Variants in TTC28 observed in about 807,000 individuals in gnomAD.
The protein encoded by TTC28 is tetratricopeptide repeat domain 28.
In TTC28, 61 loss-of-function variants were observed where a neutral mutation model predicts 198.0. The observed-to-expected ratio is 0.31, with a 90% CI of 0.25 to 0.38. The LOEUF (loss-of-function observed/expected upper bound fraction) is 0.38, where lower values mean the gene tolerates loss of function less well. TTC28 is among the 10% of genes least tolerant of loss of function. The pLI is 1.00. For missense variants in TTC28, 2,678 were observed against 3,164.0 expected, an observed-to-expected ratio of 0.85 and a Z score of 3.69; for synonymous variants, 1,171 against 1,297.8, an observed-to-expected ratio of 0.90 and a Z score of 2.10.
chr22:28,583,129 C>T (rs1300772918), intron 2 of TTC28, among the ~76,000 whole-genome samples: 2 of 152,100 alleles, frequency 1.3e-5, no homozygotes, highest in Admixed American at 6.6e-5. Context: ...TACCCACCCC[C>T]GCAATGCAAC....
chr22:28,253,096 G>A (rs913167099), intron 5 of TTC28, among the ~76,000 whole-genome samples: 7 of 152,092 alleles, frequency 4.6e-5, no homozygotes, highest in Non-Finnish European at 7.4e-5. Context: ...TCTTGAGGGG[G>A]AGTATATATT....
chr22:27,982,494 G>C lies in TTC28; in HGVS notation c.7173C>G (p.Val2391=). ...APGTMTSKRD[V]LSLLNLSPRH... ...GTGGTGACAAATTCAACAGACTGAG[G>C]ACATCCCTTTTGGAAGTCATCGTGC... The change falls in exon 23 of 23, where the codon GTC becomes GTG. Residue 2391 remains valine, a synonymous_variant. Coordinates refer to ENST00000397906, the MANE Select transcript of TTC28 (RefSeq NM_001145418.2). The surrounding 1 kb of genome is among the most constrained non-coding windows in gnomAD (Gnocchi z 5.2). 2.6e-6 allele frequency: 4 copies of C among 1,551,658 alleles called. No homozygotes were observed. Among genetic ancestry groups the C allele is most frequent in the Non-Finnish European group, 3.5e-6 (4 of 1,147,004 alleles).
chr22:28,604,852 T>C (rs2050705847), intron 2 of TTC28, among the ~76,000 whole-genome samples: 1 of 152,196 alleles, frequency 6.6e-6, no homozygotes, highest in African/African-American at 2.4e-5. Context: ...ATTTTATATA[T>C]CACCCACAAA....
At chr22:28,296,792 A>T in intron 4 of TTC28, among the ~76,000 whole-genome samples, 1 of 152,242 alleles carries the variant, frequency 6.6e-6, no homozygotes. Flanking sequence ...AATAATCACC[A>T]TAATGACCAT....
chr22:28,227,705 A>G (rs1243791709), intron 5 of TTC28, among the ~76,000 whole-genome samples: 1 of 143,424 alleles, frequency 7.0e-6, no homozygotes, highest in Non-Finnish European at 1.5e-5. Flanking sequence ...TACAGATTTG[A>G]AAAAAAAAAA....
At chr22:28,014,179 A>G in intron 14 of TTC28, 69 bp downstream of exon 14, 1 of 1,489,292 alleles carries the variant, frequency 6.7e-7, no homozygotes, top group South Asian at 1.3e-5. Flanking sequence ...AGAGGGATAC[A>G]TGTGGGCGCT....
chr22:28,161,645 C>T lies in TTC28; in HGVS notation c.1441+1447G>A, dbSNP rs999850437. ...CTCCAGCCAAGGTAATAGATGGAGA[C>T]CCTGTCTCAAGAAAGAAAGAAAGAA... On this transcript the variant is annotated intron_variant, in intron 6 of 22. Transcript: ENST00000397906. Among the ~76,000 whole-genome samples the T allele has an allele frequency of 3.3e-5, 5 of 149,758 alleles. No individual in the cohort carries two copies. In the South Asian group the frequency reaches 1.1e-3, roughly 32 times the overall value.
intron 5 of TTC28, among the ~76,000 whole-genome samples, chr22:28,172,018 C>T (rs1922731301): frequency 6.6e-6 from 1 of 152,154 alleles, no homozygotes. Context: ...AGAGACTCAG[C>T]CTCTTTCCTC....
intron 2 of TTC28, among the ~76,000 whole-genome samples, chr22:28,507,194 C>A (rs1049021418): frequency 2.0e-5 from 3 of 152,114 alleles, no homozygotes; most frequent in Non-Finnish European, 4.4e-5. Flanking sequence ...GCCAGAATAG[C>A]CAGTTTAGAG....
At chr22:28,612,142 C>A (rs1316243257) in intron 2 of TTC28, among the ~76,000 whole-genome samples, 1 of 151,924 alleles carries the variant, frequency 6.6e-6, no homozygotes, top group African/African-American at 2.4e-5. Context: ...ATTTACCAAG[C>A]AAATGGAGAG....
chr22:28,568,798 C>T (rs577400142), intron 2 of TTC28, among the ~76,000 whole-genome samples: 2 of 152,282 alleles, frequency 1.3e-5, no homozygotes, highest in South Asian at 2.1e-4. Flanking sequence ...AGATTTAATG[C>T]TATTCCTATC....
Position 27,998,588 on chromosome 22 carries a change from T to G in TTC28, c.5071A>C (p.Lys1691Gln). ...AAGGCCTTGCTGCTCTGCACCACCT[T>G]CATGGCCTCCCCCAGGGCGGCGCTG... Reference protein sequence around the residue: ...KASAALGEAMKVVQSSKAFSH... With the variant: ...KASAALGEAMQVVQSSKAFSH... Residue 1691 changes from lysine to glutamine, a missense_variant, in exon 16 of 23, where the codon AAG becomes CAG. By Grantham distance (53) the Lys-to-Gln change is moderately conservative. Coordinates refer to ENST00000397906, the MANE Select transcript of TTC28 (RefSeq NM_001145418.2). 2 of 1,550,776 alleles carry G rather than the reference T, an allele frequency of 1.3e-6. 1 individual carries two copies. The highest frequency in any genetic ancestry group is 2.4e-5 in the South Asian group (2 of 84,062).
chr22:28,409,286 C>T (rs928167161), intron 2 of TTC28, among the ~76,000 whole-genome samples: 2 of 152,120 alleles, frequency 1.3e-5, no homozygotes, highest in African/African-American at 2.4e-5. Context: ...AGAAATTCAA[C>T]CCAGCAGTCA....
rs139526993 is a variant in TTC28, at chr22:28,079,754, A to G, written c.3932+14326T>C. 2.0e-5 allele frequency among the ~76,000 whole-genome samples: 3 copies of G among 152,220 alleles called. No homozygotes were observed. In the East Asian group the frequency reaches 5.8e-4, roughly 29 times the overall value. ...TCTTCCTTTTCTTCCCCCAGTACAG[A>G]GTCTCGCTCTGTCACCTAGGCTGGT... On this transcript the variant is annotated intron_variant, in intron 12 of 22. Transcript: ENST00000397906.
chr22:28,595,328 A>T (rs909940771), intron 2 of TTC28, among the ~76,000 whole-genome samples: 1 of 152,204 alleles, frequency 6.6e-6, no homozygotes, highest in Non-Finnish European at 1.5e-5. Flanking sequence ...TCAGTAACTA[A>T]TCAGCAAAGT....
intron 2 of TTC28, among the ~76,000 whole-genome samples, chr22:28,508,822 G>A (rs888676200): frequency 1.3e-5 from 2 of 151,888 alleles, no homozygotes; most frequent in East Asian, 3.9e-4. Flanking sequence ...TTAGATCATC[G>A]AGACGGAAAA....
chr22:28,657,598 G>A (rs550233387), intron 1 of TTC28, among the ~76,000 whole-genome samples: 1 of 152,210 alleles, frequency 6.6e-6, no homozygotes, highest in Non-Finnish European at 1.5e-5. Context: ...TTATTTCTGG[G>A]CTGGGCGTGG....
chr22:28,465,865 G>A (rs1289479275), intron 2 of TTC28, among the ~76,000 whole-genome samples: 1 of 152,142 alleles, frequency 6.6e-6, no homozygotes, highest in African/African-American at 2.4e-5. Context: ...CAAGATAGCT[G>A]CTTAAGTACC....
chr22:28,584,040 A>G (rs1385757446), intron 2 of TTC28, among the ~76,000 whole-genome samples: 1 of 145,700 alleles, frequency 6.9e-6, no homozygotes, highest in Non-Finnish European at 1.5e-5. Context: ...TTTTGGCACA[A>G]TCATAGACAG....
Sources: allele counts gnomAD v4.1 joint callset (sites outside exome capture counted in the v4.1 genomes callset), GRCh38; gene constraint gnomAD v4.1.1; non-coding constraint Gnocchi (gnomAD v3.1); transcripts MANE v1.5; gene names NCBI Gene and HGNC (gene_info 2026-07-23, HGNC 2026-07-21).